The following EXOC6 variants were observed in gnomAD, a reference collection of about 807,000 sequenced individuals.
EXOC6 encodes the protein exocyst complex component 6.
EXOC6 carries 60 observed loss-of-function variants against 112.5 expected under a neutral mutation model. The observed-to-expected ratio is 0.53, with a 90% confidence interval of 0.43 to 0.66. The LOEUF is 0.66. Among genes scored for constraint, EXOC6 ranks in the 30% least tolerant of loss-of-function variants. The pLI is 0.00. For missense variants in EXOC6, 855 were observed against 957.1 expected (o/e 0.89, Z 1.41); for synonymous variants, 295 against 308.0 (o/e 0.96, Z 0.44).
At chr10:92,832,745 C>A (rs1016865391), upstream of EXOC6, among the ~76,000 whole-genome samples, 1 of 151,532 alleles carries the variant, frequency 6.6e-6, no homozygotes, top group Non-Finnish European at 1.5e-5. Flanking sequence ...TCACTGCAAC[C>A]TCTACCTCCC....
intron 19 of EXOC6, among the ~76,000 whole-genome samples, chr10:92,998,993 T>A (rs1314677788): frequency 1.3e-5 from 2 of 152,172 alleles, no homozygotes; most frequent in Middle Eastern, 3.4e-3. Flanking sequence ...TGCCTCAGCC[T>A]CCCAAGTAGC....
At chr10:92,931,425 A>G (rs948914914) in intron 9 of EXOC6, among the ~76,000 whole-genome samples, 2 of 150,106 alleles carry the variant, frequency 1.3e-5, no homozygotes, top group Admixed American at 6.6e-5. Context: ...GTACATATCT[A>G]TGGGACATAG....
At chr10:92,880,479 C>A (rs1407625789) in intron 1 of EXOC6, among the ~76,000 whole-genome samples, 1 of 152,022 alleles carries the variant, frequency 6.6e-6, no homozygotes, top group Non-Finnish European at 1.5e-5. Flanking sequence ...CTCTAGTGAG[C>A]CTGTTCTTTT....
intron 4 of EXOC6, among the ~76,000 whole-genome samples, chr10:92,896,223 A>C (rs1281630268): frequency 3.6e-5 from 3 of 82,242 alleles, no homozygotes; most frequent in African/African-American, 1.4e-4. Context: ...TTTTTGGCGG[A>C]GTCTCACTCT....
intron 20 of EXOC6, among the ~76,000 whole-genome samples, chr10:93,026,030 C>G (rs1171056597): frequency 6.6e-6 from 1 of 152,210 alleles, no homozygotes; most frequent in African/African-American, 2.4e-5. Context: ...TTCTTTTGCT[C>G]ATTGTCTTTG....
At chr10:92,925,396 G>A (rs940505189) in intron 8 of EXOC6, among the ~76,000 whole-genome samples, 2 of 151,986 alleles carry the variant, frequency 1.3e-5, no homozygotes, top group Non-Finnish European at 2.9e-5. Context: ...CCAGGTTCAA[G>A]CAATTATCAT....
At chr10:92,848,218 C>G (rs1249599993), upstream of EXOC6, among the ~76,000 whole-genome samples, 3 of 152,056 alleles carry the variant, frequency 2.0e-5, no homozygotes, top group African/African-American at 7.2e-5. Context: ...GTGGCACACA[C>G]AGAAGACAAG....
intron 1 of EXOC6, among the ~76,000 whole-genome samples, chr10:92,868,558 A>C (rs1029161960): frequency 2.6e-5 from 4 of 152,146 alleles, no homozygotes; most frequent in Non-Finnish European, 5.9e-5. Context: ...CTAAACAAAC[A>C]ATAAATTTCT....
chr10:92,975,152 C>G (rs1194443026), intron 18 of EXOC6, among the ~76,000 whole-genome samples: 6 of 149,564 alleles, frequency 4.0e-5, no homozygotes, highest in Non-Finnish European at 5.9e-5. Context: ...ATCCCATGTA[C>G]GAAGTGAGGA....
intron 20 of EXOC6, among the ~76,000 whole-genome samples, chr10:93,037,991 G>C (rs1845590449): frequency 7.4e-6 from 1 of 134,852 alleles, no homozygotes; most frequent in African/African-American, 2.8e-5. Flanking sequence ...AGTGAGCCGA[G>C]ATCGCGCCAC....
intron 18 of EXOC6, among the ~76,000 whole-genome samples, chr10:92,978,177 A>G (rs1371894338): frequency 1.3e-5 from 2 of 152,232 alleles, no homozygotes; most frequent in African/African-American, 4.8e-5. Flanking sequence ...TGGGAGGCCA[A>G]GATGGGAGGA....
intron 1 of EXOC6, among the ~76,000 whole-genome samples, chr10:92,861,553 C>T (rs1370189428): frequency 6.6e-6 from 1 of 152,026 alleles, no homozygotes; most frequent in Non-Finnish European, 1.5e-5. Flanking sequence ...TTAGCCTCTG[C>T]AACACAGTTG....
At chr10:92,899,547 A>C in intron 4 of EXOC6, 52 bp from the exon 5 acceptor site, 2 of 1,292,222 alleles carry the variant, frequency 1.5e-6, no homozygotes, top group Non-Finnish European at 2.2e-6. Context: ...TTCATGTCTC[A>C]AAATATTTTC....
intron 1 of EXOC6, among the ~76,000 whole-genome samples, chr10:92,885,014 G>T (rs1391146182): frequency 2.0e-5 from 3 of 152,116 alleles, no homozygotes; most frequent in Non-Finnish European, 4.4e-5. Context: ...AATTTCTAGT[G>T]AACCAATTTT....
upstream of EXOC6, chr10:92,848,406 G>C (rs1195132022): frequency 1.4e-6 from 1 of 711,206 alleles, no homozygotes; most frequent in Non-Finnish European, 1.7e-6. Flanking sequence ...CCGGCGTTCC[G>C]CGCGCCCCCG....
chr10:93,015,343 A>G (rs1844450723), intron 20 of EXOC6, among the ~76,000 whole-genome samples: 2 of 152,244 alleles, frequency 1.3e-5, no homozygotes, highest in South Asian at 4.1e-4. Context: ...TTGCAGAGGA[A>G]AGATGTGGTT....
At chr10:92,861,944 A>G (rs1426742599) in intron 1 of EXOC6, among the ~76,000 whole-genome samples, 1 of 152,212 alleles carries the variant, frequency 6.6e-6, no homozygotes, top group Non-Finnish European at 1.5e-5. Context: ...TTTATTCCAG[A>G]AGTGTATCCC....
At chr10:92,999,223 G>GT (rs35698961) in intron 19 of EXOC6, 45,987 of 333,780 alleles carry the variant, frequency 0.14, 65 homozygotes, top group South Asian at 0.2. Flanking sequence ...TTTTTTACAA[G>GT]TTTTTTTTTT....
chr10:92,873,401 C>T (rs948669866), intron 1 of EXOC6, among the ~76,000 whole-genome samples: 2 of 152,006 alleles, frequency 1.3e-5, no homozygotes, highest in African/African-American at 4.8e-5. Flanking sequence ...TTTTTCTGTG[C>T]GTGGAAACAG....
Sources: gnomAD v4.1 joint callset for allele counts (sites outside exome capture counted in the v4.1 genomes callset) on GRCh38, gnomAD v4.1.1 for gene constraint, MANE v1.5 for transcripts, NCBI Gene and HGNC (gene_info 2026-07-23, HGNC 2026-07-21) for gene names.